The following SUPT3H variants were observed in gnomAD, a reference collection of about 807,000 sequenced individuals.
SUPT3H encodes transcription initiation protein SPT3 homolog.
In SUPT3H, 44 loss-of-function variants were observed where a neutral mutation model predicts 44.3. That is an observed-to-expected ratio of 0.99 (90% CI 0.78 to 1.28). SUPT3H has a LOEUF of 1.28. Among genes scored for constraint, SUPT3H ranks in the 50% most tolerant of loss-of-function variants. SUPT3H has a pLI of 0.00. For synonymous variants in SUPT3H, 124 were observed against 125.6 expected (o/e 0.99, Z 0.09); for missense variants, 380 against 387.1 (o/e 0.98, Z 0.15).
intron 2 of SUPT3H, among the ~76,000 whole-genome samples, chr6:45,212,583 G>C (rs1202246137): frequency 6.8e-6 from 1 of 146,212 alleles, no homozygotes; most frequent in Non-Finnish European, 1.5e-5. Flanking sequence ...CTATGACTTT[G>C]TTTTTCTTGA....
chr6:45,212,479 CTATGTGTGTGTGTGTGTGTGTGTG>C (rs1764255903), intron 2 of SUPT3H, among the ~76,000 whole-genome samples: 1 of 139,850 alleles, frequency 7.2e-6, no homozygotes, highest in African/African-American at 2.6e-5. Flanking sequence ...TCCACCTCCA[CTATGTGTGTGTGTGTGTGTGTGTG>C]TGTGTGTGTG....
chr6:44,919,623 T>C (rs905364015), intron 10 of SUPT3H, among the ~76,000 whole-genome samples: 3 of 152,198 alleles, frequency 2.0e-5, no homozygotes, highest in Admixed American at 6.5e-5. Context: ...ACATTTCTAA[T>C]TGTCTGTTCT....
In SUPT3H at chr6:44,827,930, CAACAAA is replaced by C. The variant is rs1266687239; in HGVS notation, c.*1880_*1885del. ...CAAGATAGACAAACATATGCCAGAC[CAACAAA>C]AACACAGACCTGTCATATTTCTGAG... is the stretch of plus-strand genomic sequence containing the variant. On this transcript the variant is annotated 3_prime_UTR_variant, in exon 11 of 11. Coordinates refer to ENST00000371459, the MANE Select transcript of SUPT3H (RefSeq NM_003599.4). Among the ~76,000 whole-genome samples the C allele has an allele frequency of 6.6e-6, 1 of 151,926 alleles. No homozygotes were observed. Among genetic ancestry groups the C allele is most frequent in the Non-Finnish European group, 1.5e-5 (1 of 67,936 alleles).
At chr6:45,375,804 T>G (rs1463330901) in intron 1 of SUPT3H, among the ~76,000 whole-genome samples, 1 of 152,024 alleles carries the variant, frequency 6.6e-6, no homozygotes, top group African/African-American at 2.4e-5. Context: ...ATTTTCAAAT[T>G]TGACTTTATA....
chr6:45,365,120 A>T, intron 2 of SUPT3H, 81 bp downstream of exon 2: 1 of 821,318 alleles, frequency 1.2e-6, no homozygotes. Flanking sequence ...GTTAAGTTTT[A>T]TAAATGTTGT....
intron 5 of SUPT3H, among the ~76,000 whole-genome samples, chr6:45,010,396 T>C (rs895291681): frequency 2.0e-5 from 3 of 152,168 alleles, no homozygotes; most frequent in Admixed American, 6.6e-5. Context: ...TTAATGGACA[T>C]CTTTGTCTTG....
intron 2 of SUPT3H, among the ~76,000 whole-genome samples, chr6:45,132,774 T>A (rs1269443323): frequency 1.3e-5 from 2 of 152,222 alleles, no homozygotes; most frequent in Admixed American, 1.3e-4. Context: ...CAACACTTGT[T>A]GTCCAGATTA....
At chr6:45,314,618 T>A (rs1053986272) in intron 2 of SUPT3H, among the ~76,000 whole-genome samples, 1 of 152,068 alleles carries the variant, frequency 6.6e-6, no homozygotes, top group Non-Finnish European at 1.5e-5. Context: ...AACTACAAAA[T>A]ACTGCTAAAA....
At chr6:44,996,032 T>C (rs1024467019) in intron 6 of SUPT3H, among the ~76,000 whole-genome samples, 3 of 151,890 alleles carry the variant, frequency 2.0e-5, no homozygotes, top group African/African-American at 7.2e-5. Context: ...ATGAAAAACA[T>C]TGTGATGAAT....
chr6:44,820,470 C>G (rs1443885290), intron 11 of SUPT3H, among the ~76,000 whole-genome samples: 1 of 151,978 alleles, frequency 6.6e-6, no homozygotes, highest in Non-Finnish European at 1.5e-5. Context: ...CGAGCCAGGA[C>G]AGAAGTGAAA....
At chr6:45,250,993 G>C (rs1772276019) in intron 2 of SUPT3H, 1 of 151,802 alleles carries the variant, frequency 6.6e-6, no homozygotes, top group South Asian at 2.1e-4. Flanking sequence ...ATTTTTAGTA[G>C]AGACAGGGTT....
At chr6:45,111,340 T>C (rs982094249) in intron 2 of SUPT3H, among the ~76,000 whole-genome samples, 2 of 152,154 alleles carry the variant, frequency 1.3e-5, no homozygotes, top group African/African-American at 4.8e-5. Flanking sequence ...CAAAATGGTA[T>C]TTTTAAAAAT....
chr6:45,119,441 TTA>T (rs1250641922), intron 2 of SUPT3H, among the ~76,000 whole-genome samples: 1 of 152,176 alleles, frequency 6.6e-6, no homozygotes, highest in Non-Finnish European at 1.5e-5. Context: ...GATTCCACTA[TTA>T]TCTCAGACCA....
At chr6:45,134,467 A>G (rs1020837170) in intron 2 of SUPT3H, among the ~76,000 whole-genome samples, 5 of 152,142 alleles carry the variant, frequency 3.3e-5, no homozygotes, top group Admixed American at 6.5e-5. Flanking sequence ...TTCCATCCCA[A>G]TAGCCCCAAA....
At chr6:45,010,467 G>A (rs946442196) in intron 5 of SUPT3H, among the ~76,000 whole-genome samples, 1 of 152,072 alleles carries the variant, frequency 6.6e-6, no homozygotes, top group African/African-American at 2.4e-5. Context: ...GTTAGGTGTG[G>A]GTTTTCCATA....
At chr6:45,225,511 A>C (rs1766796623) in intron 2 of SUPT3H, among the ~76,000 whole-genome samples, 1 of 152,168 alleles carries the variant, frequency 6.6e-6, no homozygotes, top group Non-Finnish European at 1.5e-5. Context: ...AAATCTATAC[A>C]AAATTTCTTA....
At chr6:45,285,873 A>C (rs986810824) in intron 2 of SUPT3H, among the ~76,000 whole-genome samples, 3 of 152,108 alleles carry the variant, frequency 2.0e-5, no homozygotes, top group Admixed American at 2.0e-4. Context: ...ACCAAAACAG[A>C]ATGGTACTGG....
At chr6:44,898,152 C>T (rs773115879) in intron 10 of SUPT3H, among the ~76,000 whole-genome samples, 2 of 152,182 alleles carry the variant, frequency 1.3e-5, no homozygotes, top group Non-Finnish European at 2.9e-5. Flanking sequence ...TAGAAATGAT[C>T]TCTTATCCTA....
At chr6:45,222,420 G>A (rs928631741) in intron 2 of SUPT3H, among the ~76,000 whole-genome samples, 1 of 152,074 alleles carries the variant, frequency 6.6e-6, no homozygotes, top group Non-Finnish European at 1.5e-5. Context: ...CATACAGATG[G>A]CAAATAAGCA....
Sources: gnomAD v4.1 joint callset for allele counts (sites outside exome capture counted in the v4.1 genomes callset) on GRCh38, gnomAD v4.1.1 for gene constraint, MANE v1.5 for transcripts, NCBI Gene and HGNC (gene_info 2026-07-23, HGNC 2026-07-21) for gene names.